Variants in SH2D7 observed in about 807,000 individuals in gnomAD.
SH2D7 encodes SH2 domain containing 7.
Under a neutral mutation model 40.8 loss-of-function variants are expected in SH2D7, and 32 were observed. The ratio of observed to expected loss-of-function variants is 0.78; its 90% CI spans 0.59 to 1.05. The LOEUF is 1.05. SH2D7 is among the 50% of genes least tolerant of loss of function. The pLI is 0.00. For missense variants in SH2D7, 559 were observed against 566.6 expected (o/e 0.99, Z 0.14); for synonymous variants, 195 against 221.5 (o/e 0.88, Z 1.06).
At chr15:78,101,893 C>T (rs931540679) in intron 5 of SH2D7, among the ~76,000 whole-genome samples, 5 of 152,154 alleles carry the variant, frequency 3.3e-5, no homozygotes, top group Non-Finnish European at 7.4e-5. Context: ...TACTCCCTCA[C>T]CTTGTAGCTT....
chr15:78,093,185 G>A (rs1055139978), intron 1 of SH2D7, among the ~76,000 whole-genome samples: 1 of 152,228 alleles, frequency 6.6e-6, no homozygotes, highest in Non-Finnish European at 1.5e-5. Context: ...CAAGATACAG[G>A]TTTGGCTTTC....
chr15:78,093,391 C>T (rs140690066), intron 1 of SH2D7, among the ~76,000 whole-genome samples: 38 of 152,326 alleles, frequency 2.5e-4, no homozygotes, highest in African/African-American at 8.2e-4. Context: ...AACTCTAAAT[C>T]GTTTTGAACC....
intron 4 of SH2D7, among the ~76,000 whole-genome samples, chr15:78,100,689 T>C (rs984966777): frequency 4.0e-5 from 6 of 151,886 alleles, no homozygotes; most frequent in Non-Finnish European, 7.4e-5. Flanking sequence ...ACAGCAAGAC[T>C]CCATCTCAAA....
intron 3 of SH2D7, 55 bp from the exon 4 acceptor site, chr15:78,098,329 T>C: frequency 6.3e-7 from 1 of 1,590,642 alleles, no homozygotes; most frequent in Non-Finnish European, 8.6e-7. Flanking sequence ...GGCAGGCAGC[T>C]GGAGACTGGC....
At chr15:78,090,445 A>G (rs1255258913), upstream of SH2D7, among the ~76,000 whole-genome samples, 1 of 152,124 alleles carries the variant, frequency 6.6e-6, no homozygotes, top group Non-Finnish European at 1.5e-5. Context: ...AGAGCTGCCC[A>G]GATTGAGATC....
At chr15:78,094,251 G>A in intron 2 of SH2D7, 50 bp downstream of exon 2, 2 of 1,559,160 alleles carry the variant, frequency 1.3e-6, no homozygotes, top group Non-Finnish European at 1.7e-6. Flanking sequence ...CCATAACCTA[G>A]CCTTGCAGAT....
At chr15:78,090,262 G>T (rs1445085562), upstream of SH2D7, among the ~76,000 whole-genome samples, 5 of 152,150 alleles carry the variant, frequency 3.3e-5, no homozygotes, top group Non-Finnish European at 7.3e-5. Flanking sequence ...CAAAAAATTA[G>T]CCAGGCATGG....
chr15:78,099,992 C>T lies in SH2D7; in HGVS notation c.646-907C>T, dbSNP rs550710564. On this transcript the variant is annotated intron_variant, in intron 4 of 5. Coordinates refer to ENST00000328828, the MANE Select transcript of SH2D7 (RefSeq NM_001101404.2). ...AGAAAATGTTGCCTTCCCCACCTGC[C>T]GTTCTCTCTATCCCATGACCCTGCT... 2.0e-5 allele frequency among the ~76,000 whole-genome samples: 3 copies of T among 152,304 alleles called. No individual in the cohort carries two copies. The East Asian group carries it at 5.8e-4, about 29-fold the overall frequency.
chr15:78,100,769 A>G, intron 4 of SH2D7, 130 bp from the exon 5 acceptor site: 1 of 967,562 alleles, frequency 1.0e-6, no homozygotes, highest in Non-Finnish European at 1.5e-6. Context: ...CATGTATCCA[A>G]CCCTTGCATG....
chr15:78,103,776 G>C lies in SH2D7; in HGVS notation c.*261G>C. 1 of 489,246 alleles carries C rather than the reference G, an allele frequency of 2.0e-6. No individual in the cohort carries two copies. The highest frequency in any genetic ancestry group is 2.7e-5 in the South Asian group (1 of 37,516). The allele number at this position is 489,246 out of a possible 1,614,324, so 30.3% of individuals were successfully genotyped here. A position where few individuals can be genotyped will look rare whatever the true frequency, so the allele number is the denominator to read the frequency against. ...TGCACAGGAGGGACTGGAGAGGAATGAGATTGGCCAAAGGCAGGGGTCACC... is the reference window on the plus strand; with the variant it reads ...TGCACAGGAGGGACTGGAGAGGAATCAGATTGGCCAAAGGCAGGGGTCACC... On this transcript the variant is annotated 3_prime_UTR_variant, in exon 6 of 6. Coordinates refer to ENST00000328828, the MANE Select transcript of SH2D7 (RefSeq NM_001101404.2).
At chr15:78,102,940 C>T (rs1567045932) in intron 5 of SH2D7, among the ~76,000 whole-genome samples, 1 of 152,156 alleles carries the variant, frequency 6.6e-6, no homozygotes, top group East Asian at 1.9e-4. Context: ...GCTGACGGCT[C>T]CTCCCTCAGG....
chr15:78,100,031 C>G (rs2074002780), intron 4 of SH2D7, among the ~76,000 whole-genome samples: 1 of 152,230 alleles, frequency 6.6e-6, no homozygotes, highest in South Asian at 2.1e-4. Flanking sequence ...TTCTTTGTAG[C>G]ACTGATCATG....
At chr15:78,092,795 C>T (rs763369728) in intron 1 of SH2D7, 35 bp downstream of exon 1, 1 of 1,580,746 alleles carries the variant, frequency 6.3e-7, no homozygotes, top group Non-Finnish European at 8.6e-7. Flanking sequence ...CCCTCATAGC[C>T]CACAGCCCCT....
intron 1 of SH2D7, 33 bp downstream of exon 1, chr15:78,092,793 G>A (rs377375713): frequency 6.3e-7 from 1 of 1,582,108 alleles, no homozygotes; most frequent in Non-Finnish European, 8.6e-7. Context: ...GTCCCTCATA[G>A]CCCACAGCCC....
Position 78,101,366 on chromosome 15 carries a change from C to T in SH2D7, c.1113C>T (p.Gly371=). 1.9e-6 allele frequency: 3 copies of T among 1,613,500 alleles called. No homozygotes were observed. The highest frequency in any genetic ancestry group is 2.5e-6 in the Non-Finnish European group (3 of 1,179,734). The change falls in exon 5 of 6, where the codon GGC becomes GGT. Residue 371 remains glycine (G), a synonymous_variant. Coordinates refer to ENST00000328828, the MANE Select transcript of SH2D7 (RefSeq NM_001101404.2). ...CCAGGGACACACCAGACCAAGAAGG[C>T]AGCACCTATGAGCAGATCCCAGCTT... ...QEARDTPDQE[G]STYEQIPACW...
chr15:78,099,528 T>C (rs566470556), intron 4 of SH2D7, among the ~76,000 whole-genome samples: 1 of 150,240 alleles, frequency 6.7e-6, no homozygotes, highest in African/African-American at 2.5e-5. Context: ...GTTTTCGCCA[T>C]GTTGGCCAGG....
At position 78,098,558 on chromosome 15, in the gene SH2D7, G is replaced by A. The variant is rs200623604; in HGVS notation, c.607G>A (p.Val203Met). ...SFLHAQKSLD[V>M]SPRNLSQEES... ...CCTCCATGCACAGAAAAGCCTGGAT[G>A]TGAGTCCCCGGAACCTCTCCCAGGA... The change falls in exon 4 of 6, where the codon GTG (valine) becomes ATG (methionine). Residue 203 changes from valine (V) to methionine (M), a missense_variant. Physicochemically the swap from Val to Met is conservative, Grantham distance 21. Coordinates refer to ENST00000328828, the MANE Select transcript of SH2D7 (RefSeq NM_001101404.2). The A allele has an allele frequency of 1.9e-6, 3 of 1,613,990 alleles. No homozygotes were observed. Among genetic ancestry groups the A allele is most frequent in the African/African-American group, 2.7e-5 (2 of 75,066 alleles).
chr15:78,098,556 A>G lies in SH2D7; in HGVS notation c.605A>G (p.Asp202Gly), dbSNP rs1474357739. Residue 202 changes from aspartate to glycine, a missense_variant, in exon 4 of 6, where the codon GAT (aspartate) becomes GGT (glycine). Coordinates refer to ENST00000328828, the MANE Select transcript of SH2D7 (RefSeq NM_001101404.2). ...TTCCTCCATGCACAGAAAAGCCTGG[A>G]TGTGAGTCCCCGGAACCTCTCCCAG... The part of the protein sequence containing the change: ...VSFLHAQKSL[D>G]VSPRNLSQEE... 21 of 1,613,826 alleles carry G rather than the reference A, an allele frequency of 1.3e-5. No homozygotes were observed. Among genetic ancestry groups the G allele is most frequent in the Non-Finnish European group, 1.7e-5 (20 of 1,179,862 alleles).
Position 78,101,501 on chromosome 15 carries a change from G to A in SH2D7, c.1248G>A (p.Gly416=). The part of the protein sequence containing the change: ...ISGTPELSEP[G]NTYEQIPATK... ...GGACCCCAGAGCTCTCAGAGCCTGG[G>A]AACACCTATGAACAGATCCCAGCAA... The change falls in exon 5 of 6, where the codon GGG becomes GGA. Residue 416 remains glycine, a synonymous_variant. Coordinates refer to ENST00000328828, the MANE Select transcript of SH2D7 (RefSeq NM_001101404.2). The A allele has an allele frequency of 6.2e-7, 1 of 1,609,872 alleles. No individual in the cohort carries two copies. Among genetic ancestry groups the A allele is most frequent in the Non-Finnish European group, 8.5e-7 (1 of 1,178,556 alleles).
Sources: gnomAD v4.1 joint callset for allele counts (sites outside exome capture counted in the v4.1 genomes callset) on GRCh38, gnomAD v4.1.1 for gene constraint, MANE v1.5 for transcripts, NCBI Gene and HGNC (gene_info 2026-07-23, HGNC 2026-07-21) for gene names.